The following MFNG variants were observed in gnomAD, a reference collection of about 807,000 sequenced individuals.
MFNG encodes the protein MFNG O-fucosylpeptide 3-beta-N-acetylglucosaminyltransferase.
Under a neutral mutation model 34.2 loss-of-function variants are expected in MFNG, and 24 were observed. The ratio of observed to expected loss-of-function variants is 0.70; its 90% CI spans 0.51 to 0.99. The LOEUF is 0.99. Ranked by LOEUF, MFNG falls within the 50% of genes least tolerant of loss-of-function variation. MFNG has a pLI of 0.00. For missense variants in MFNG, 383 were observed against 424.0 expected (o/e 0.90, Z 0.85); for synonymous variants, 158 against 179.2 (o/e 0.88, Z 0.94).
At chr22:37,481,743 G>A (rs780131310) in intron 1 of MFNG, among the ~76,000 whole-genome samples, 3 of 152,172 alleles carry the variant, frequency 2.0e-5, no homozygotes, top group Non-Finnish European at 4.4e-5. Context: ...GGACAATTCC[G>A]GACCCCTTCC....
In MFNG at chr22:37,469,919, A is replaced by G. The variant is rs1247598324; in HGVS notation, c.*44T>C. 4 of 1,503,772 alleles carry G rather than the reference A, an allele frequency of 2.7e-6. No homozygotes were observed. The highest frequency in any genetic ancestry group is 3.7e-6 in the Non-Finnish European group (4 of 1,095,650). The allele number at this position is 1,503,772 out of a possible 1,614,324, so 93.2% of individuals were successfully genotyped here. A position where few individuals can be genotyped will look rare whatever the true frequency, so the allele number is the denominator to read the frequency against. ...ACAGTGCCACCTTGGGAGCCAAGGC[A>G]CACCCAGAAGTCTCTGCCCAACCTT... On this transcript the variant is annotated 3_prime_UTR_variant, in exon 8 of 8. Coordinates refer to ENST00000356998, the MANE Select transcript of MFNG (RefSeq NM_002405.4).
Position 37,486,197 on chromosome 22 carries a change from A to G in MFNG, c.-20T>C, listed in dbSNP as rs377341126. ...CTGCATTGGTTGGCCCTGGGACCCC[A>G]GACAGCTCAGCCCCCAAATCCCAAC... is the stretch of plus-strand genomic sequence containing the variant. On this transcript the variant is annotated 5_prime_UTR_variant, in exon 1 of 8. Transcript: ENST00000356998. 2.9e-4 allele frequency: 438 copies of G among 1,520,490 alleles called. 3 individuals are homozygous for G. The African/African-American group carries it at 5.5e-3, about 19-fold the overall frequency. The allele number at this position is 1,520,490 out of a possible 1,614,324, so 94.2% of individuals were successfully genotyped here.
In MFNG at chr22:37,482,480, C is replaced by T. The variant is rs1319840234; in HGVS notation, c.256-1711G>A. The stretch of plus-strand genomic sequence containing the variant: ...ACGCATACACACACACACACACACA[C>T]GCACGTGCGCACGCCTCTGAGCCTC... On this transcript the variant is annotated intron_variant, in intron 1 of 7. Transcript: ENST00000356998. This position sits in a 1 kb window ranked among gnomAD's most constrained non-coding sequence, Gnocchi z 4.1. 6.6e-6 allele frequency among the ~76,000 whole-genome samples: 1 copy of T among 151,968 alleles called. No individual in the cohort carries two copies. Among genetic ancestry groups the T allele is most frequent in the Non-Finnish European group, 1.5e-5 (1 of 67,968 alleles).
intron 1 of MFNG, among the ~76,000 whole-genome samples, chr22:37,481,694 G>A (rs1922297388): frequency 2.0e-5 from 3 of 152,202 alleles, no homozygotes; most frequent in Admixed American, 2.0e-4. Context: ...GGGCCTTTGA[G>A]GGCCTCCCCG....
intron 7 of MFNG, among the ~76,000 whole-genome samples, chr22:37,471,830 C>CAAAAAA (rs913243094): frequency 3.1e-4 from 11 of 35,498 alleles, no homozygotes; most frequent in East Asian, 1.1e-3. Flanking sequence ...GGCTCCATCT[C>CAAAAAA]AAAAAAAAAA....
intron 1 of MFNG, chr22:37,481,071 TATCACACACACACACA>T (rs1174497060): frequency 1.1e-5 from 5 of 443,938 alleles, no homozygotes; most frequent in South Asian, 8.3e-5. Flanking sequence ...CACCCTCTTC[TATCACACACACACACA>T]ATCACACACA....
intron 7 of MFNG, among the ~76,000 whole-genome samples, chr22:37,471,967 G>A (rs1408483449): frequency 1.3e-5 from 2 of 152,012 alleles, no homozygotes; most frequent in Non-Finnish European, 2.9e-5. Flanking sequence ...TCTCCCCGTG[G>A]CCAGTTCTGG....
rs539366080 is a variant in MFNG at position 37,469,553 on chromosome 22, G to C, written c.*410C>G. 8.9e-6 allele frequency: 3 copies of C among 336,328 alleles called. No individual in the cohort carries two copies. The highest frequency in any genetic ancestry group is 6.4e-5 in the African/African-American group (3 of 46,522). The allele number at this position is 336,328 out of a possible 1,614,324, so 20.8% of individuals were successfully genotyped here. Reference sequence around the variant, plus strand: ...ACAGATGAGGGAGGCAGGAGTGGGCGGCCCAGCGCTTGAGCCCCAGGGGAA... The same window carrying C: ...ACAGATGAGGGAGGCAGGAGTGGGCCGCCCAGCGCTTGAGCCCCAGGGGAA... On this transcript the variant is annotated 3_prime_UTR_variant, in exon 8 of 8. Coordinates refer to ENST00000356998, the MANE Select transcript of MFNG (RefSeq NM_002405.4).
chr22:37,472,542 T>G lies in MFNG; in HGVS notation c.814-14A>C. On this transcript the variant is annotated splice_polypyrimidine_tract_variant and intron_variant, in intron 6 of 7. Coordinates refer to ENST00000356998, the MANE Select transcript of MFNG (RefSeq NM_002405.4). ...GCTGAGGGTGACCTGGGCAGGGAGA[T>G]AGAAGAGTGTTGGGGCATCACACTG... 6.3e-7 allele frequency: 1 copy of G among 1,577,638 alleles called. No individual in the cohort carries two copies. Among genetic ancestry groups the G allele is most frequent in the Non-Finnish European group, 8.6e-7 (1 of 1,164,290 alleles).
At chr22:37,470,792 C>T (rs1921770782) in intron 7 of MFNG, among the ~76,000 whole-genome samples, 1 of 152,154 alleles carries the variant, frequency 6.6e-6, no homozygotes, top group Non-Finnish European at 1.5e-5. Flanking sequence ...TTGGAGAGGC[C>T]CCTGCCACGT....
Position 37,469,615 on chromosome 22 carries a change from C to T in MFNG, c.*348G>A. The T allele has an allele frequency of 2.6e-6, 1 of 390,328 alleles. No homozygotes were observed. 24.2% of individuals were successfully genotyped at this position (390,328 alleles called of 1,614,324 possible). A position where few individuals can be genotyped will look rare whatever the true frequency, so the allele number is the denominator to read the frequency against. ...CATTAGCCAGGGCCAACGGCCAGAC[C>T]CCACCCAGAGGCCATGTCACTGCCT... On this transcript the variant is annotated 3_prime_UTR_variant, in exon 8 of 8. Coordinates refer to ENST00000356998, the MANE Select transcript of MFNG (RefSeq NM_002405.4).
chr22:37,481,089 TCA>T (rs996201718), intron 1 of MFNG: 2,845 of 365,052 alleles, frequency 7.8e-3, no homozygotes, highest in Middle Eastern at 0.01. Context: ...ACACACACAA[TCA>T]CACACACACA....
chr22:37,479,186 C>CTGAG (rs1922171309), intron 4 of MFNG, among the ~76,000 whole-genome samples, 159 bp downstream of exon 4: 1 of 152,136 alleles, frequency 6.6e-6, no homozygotes, highest in Admixed American at 6.5e-5. Context: ...GAGGAAGAGA[C>CTGAG]TGAGGGTTGA....
At position 37,474,642 on chromosome 22, in the gene MFNG, C is replaced by T. The variant is rs765671279; in HGVS notation, c.683G>A (p.Arg228Gln). 13 of 1,612,862 alleles carry T rather than the reference C, an allele frequency of 8.1e-6. No individual in the cohort carries two copies. Among genetic ancestry groups the T allele is most frequent in the African/African-American group, 5.3e-5 (4 of 74,900 alleles). ...SRFMDTSALI[R>Q]LPDDCTMGYI... ...GCCCATGGTGCAGTCATCAGGCAGC[C>T]GGATGAGAGCAGATGTGTCCATGAA... The change falls in exon 6 of 8, where the codon CGG (arginine) becomes CAG (glutamine). Residue 228 changes from arginine to glutamine, a missense_variant. Arg to Gln is a conservative substitution (Grantham distance 43). Coordinates refer to ENST00000356998, the MANE Select transcript of MFNG (RefSeq NM_002405.4).
intron 4 of MFNG, among the ~76,000 whole-genome samples, chr22:37,478,534 C>T (rs1343564030): frequency 6.6e-6 from 1 of 152,146 alleles, no homozygotes; most frequent in Non-Finnish European, 1.5e-5. Flanking sequence ...GTACAGAGCC[C>T]CCTGTTTTGC....
rs1922503926 is a variant in MFNG at position 37,485,491 on chromosome 22, G to C, written c.255+432C>G. 6.6e-6 allele frequency among the ~76,000 whole-genome samples: 1 copy of C among 152,232 alleles called. No individual in the cohort carries two copies. The highest frequency in any genetic ancestry group is 2.4e-5 in the African/African-American group (1 of 41,464). On this transcript the variant is annotated intron_variant, in intron 1 of 7. Transcript: ENST00000356998. This position sits in a 1 kb window ranked among gnomAD's most constrained non-coding sequence, Gnocchi z 5.3. ...CAGCACCTAGGGCCTGGGTGGGACA[G>C]CCTGGCCTGGGCACGGGTCTGGGTC...
At chr22:37,475,631 T>G (rs1297834508) in intron 5 of MFNG, among the ~76,000 whole-genome samples, 1 of 152,158 alleles carries the variant, frequency 6.6e-6, no homozygotes, top group Non-Finnish European at 1.5e-5. Context: ...CTGCCCTGGA[T>G]GCTTGTCCAA....
intron 4 of MFNG, among the ~76,000 whole-genome samples, chr22:37,477,901 G>A (rs1375383225): frequency 6.6e-6 from 1 of 152,182 alleles, no homozygotes; most frequent in Non-Finnish European, 1.5e-5. Context: ...GGAAACTGAG[G>A]CACAGAGAGG....
chr22:37,470,672 A>G (rs1208692309), intron 7 of MFNG, among the ~76,000 whole-genome samples: 2 of 152,220 alleles, frequency 1.3e-5, no homozygotes, highest in Admixed American at 6.5e-5. Context: ...AAGGGCCCTC[A>G]GCATCATGGG....
Sources: gnomAD v4.1 joint callset for allele counts (sites outside exome capture counted in the v4.1 genomes callset) on GRCh38, gnomAD v4.1.1 for gene constraint, Gnocchi (gnomAD v3.1) non-coding constraint, MANE v1.5 for transcripts, NCBI Gene and HGNC (gene_info 2026-07-23, HGNC 2026-07-21) for gene names.